The following LINC00305 variants were observed in gnomAD, a reference collection of about 807,000 sequenced individuals.
The protein encoded by LINC00305 is long intergenic non-protein coding RNA 305.
intron 3 of LINC00305, among the ~76,000 whole-genome samples, chr18:64,084,581 T>A (rs760349395): frequency 2.0e-5 from 3 of 152,254 alleles, no homozygotes; most frequent in Admixed American, 6.5e-5. Flanking sequence ...GTGAATAGTA[T>A]CATTTGAGTA....
intron 1 of LINC00305, among the ~76,000 whole-genome samples, chr18:64,116,132 T>G (rs1415984788): frequency 1.3e-5 from 2 of 152,198 alleles, no homozygotes; most frequent in African/African-American, 4.8e-5. Context: ...ATCCTTAAAG[T>G]CTTCCTTGCC....
intron 1 of LINC00305, among the ~76,000 whole-genome samples, chr18:64,137,441 T>G (rs2051440131): frequency 6.6e-6 from 1 of 152,238 alleles, no homozygotes; most frequent in Non-Finnish European, 1.5e-5. Flanking sequence ...AGCTATAGTC[T>G]TTCTGTCTGT....
At chr18:64,103,152 C>A (rs1336154542) in intron 1 of LINC00305, among the ~76,000 whole-genome samples, 1 of 152,172 alleles carries the variant, frequency 6.6e-6, no homozygotes, top group East Asian at 1.9e-4. Flanking sequence ...AGATATAAAA[C>A]ACAAACAGAA....
At chr18:64,130,217 A>C (rs2051403392) in intron 1 of LINC00305, among the ~76,000 whole-genome samples, 1 of 152,100 alleles carries the variant, frequency 6.6e-6, no homozygotes, top group Non-Finnish European at 1.5e-5. Context: ...GCATTTCATA[A>C]ATTTGGAGAT....
rs200151893 is a variant in LINC00305, at chr18:64,132,509, T to TC, written n.314+16265dup. 2.3e-3 allele frequency among the ~76,000 whole-genome samples: 340 copies of TC among 150,750 alleles called. 1 individual carries two copies. The highest frequency in any genetic ancestry group is 2.3e-3 in the Non-Finnish European group (159 of 67,698). On this transcript the variant is annotated intron_variant and non_coding_transcript_variant, in intron 1 of 3. Coordinates refer to ENST00000666468, the Ensembl canonical transcript of LINC00305. ...TGTATAAACCTTAGATAATTTCCAC[T>TC]CCCCCCCCGAGTAACTCATGGATAC...
chr18:64,088,960 T>C (rs1019354116), intron 3 of LINC00305, among the ~76,000 whole-genome samples: 2 of 152,006 alleles, frequency 1.3e-5, no homozygotes, highest in Non-Finnish European at 2.9e-5. Context: ...ACAAGGGGAA[T>C]ATGGGGTTAC....
intron 1 of LINC00305, among the ~76,000 whole-genome samples, chr18:64,121,778 T>C (rs1466677689): frequency 6.6e-6 from 1 of 152,122 alleles, no homozygotes; most frequent in Non-Finnish European, 1.5e-5. Flanking sequence ...CTGTTTTCCA[T>C]AGAGGTTGTA....
At chr18:64,095,502 T>C (rs1247818740) in intron 3 of LINC00305, among the ~76,000 whole-genome samples, 1 of 152,044 alleles carries the variant, frequency 6.6e-6, no homozygotes, top group African/African-American at 2.4e-5. Context: ...TGGAATCCTA[T>C]GAGACTAAGG....
chr18:64,129,569 T>C (rs548000084), intron 1 of LINC00305, among the ~76,000 whole-genome samples: 35 of 152,246 alleles, frequency 2.3e-4, no homozygotes, highest in African/African-American at 7.5e-4. Flanking sequence ...AAAATAAAAA[T>C]AGATTTGAAT....
At chr18:64,094,887 T>TAAATAAA (rs780361977) in intron 3 of LINC00305, among the ~76,000 whole-genome samples, 26 of 114,670 alleles carry the variant, frequency 2.3e-4, no homozygotes, top group South Asian at 2.3e-3. Flanking sequence ...AAATAAATAA[T>TAAATAAA]AAAATAAAAT....
chr18:64,124,320 C>T (rs1599223237), intron 1 of LINC00305, among the ~76,000 whole-genome samples: 1 of 152,052 alleles, frequency 6.6e-6, no homozygotes, highest in Non-Finnish European at 1.5e-5. Flanking sequence ...ACTGGTTTTC[C>T]TCATGTCCTT....
chr18:64,087,988 T>G (rs2051210182), intron 3 of LINC00305, among the ~76,000 whole-genome samples: 1 of 151,564 alleles, frequency 6.6e-6, no homozygotes, highest in South Asian at 2.1e-4. Context: ...CCAGGCGTGG[T>G]GGCGGGCGCC....
intron 1 of LINC00305, among the ~76,000 whole-genome samples, chr18:64,106,302 T>C (rs967016916): frequency 5.9e-5 from 9 of 152,214 alleles, no homozygotes; most frequent in African/African-American, 2.2e-4. Flanking sequence ...ATGTCTGCTA[T>C]GCCTGGAAGC....
intron 1 of LINC00305, among the ~76,000 whole-genome samples, chr18:64,135,734 C>T (rs2051430230): frequency 6.6e-6 from 1 of 152,050 alleles, no homozygotes; most frequent in Non-Finnish European, 1.5e-5. Context: ...TACAGGCTGC[C>T]ACCACCATGC....
intron 1 of LINC00305, among the ~76,000 whole-genome samples, chr18:64,148,176 G>A (rs376909841): frequency 3.9e-5 from 6 of 152,026 alleles, no homozygotes; most frequent in Admixed American, 6.6e-5. Context: ...CTTTATTGCA[G>A]TCTCTCTTCT....
rs1337755016 is a variant in LINC00305 at position 64,098,564 on chromosome 18, A to C, written n.378+13T>G. 3 of 443,066 alleles carry C rather than the reference A, an allele frequency of 6.8e-6. No individual in the cohort carries two copies. The Admixed American group carries it at 7.8e-5, about 11-fold the overall frequency. 27.4% of individuals were successfully genotyped at this position (443,066 alleles called of 1,614,324 possible). A position where few individuals can be genotyped will look rare whatever the true frequency, so the allele number is the denominator to read the frequency against. ...TTGTAACTTTAAAGAAAGAATTTGA[A>C]ATGGTTACTCACCATGTATAATGCA... On this transcript the variant is annotated intron_variant and non_coding_transcript_variant, in intron 2 of 3. Transcript: ENST00000666468.
chr18:64,108,726 T>C lies in LINC00305; in HGVS notation n.315-10086A>G, dbSNP rs146924355. The stretch of plus-strand genomic sequence containing the variant: ...CAATCTGATAGTGTTAGGTGTGTAG[T>C]AGACACTGTCACTGAGGAACCAGCC... On this transcript the variant is annotated intron_variant and non_coding_transcript_variant, in intron 1 of 3. Coordinates refer to ENST00000666468, the Ensembl canonical transcript of LINC00305. 1.3e-3 allele frequency among the ~76,000 whole-genome samples: 198 copies of C among 152,300 alleles called. 1 individual carries two copies. Among genetic ancestry groups the C allele is most frequent in the African/African-American group, 4.5e-3 (186 of 41,568 alleles).
intron 1 of LINC00305, among the ~76,000 whole-genome samples, chr18:64,135,375 T>C (rs1227477644): frequency 2.6e-5 from 4 of 152,114 alleles, no homozygotes; most frequent in Admixed American, 2.0e-4. Flanking sequence ...CTTCTTTCTT[T>C]TCAGCTTGAA....
chr18:64,138,408 C>T (rs1166282530), intron 1 of LINC00305, among the ~76,000 whole-genome samples: 1 of 152,178 alleles, frequency 6.6e-6, no homozygotes, highest in Non-Finnish European at 1.5e-5. Flanking sequence ...GAGTTCAGGT[C>T]AGTGGACACA....
Sources: gnomAD v4.1 joint callset for allele counts (sites outside exome capture counted in the v4.1 genomes callset) on GRCh38, gnomAD v4.1.1 for gene constraint, MANE v1.5 for transcripts, NCBI Gene and HGNC (gene_info 2026-07-23, HGNC 2026-07-21) for gene names.